The following ELOVL7 variants were observed in gnomAD, a reference collection of about 807,000 sequenced individuals.
ELOVL7 encodes the protein ELOVL fatty acid elongase 7, also known as very long chain fatty acid elongase 7.
A neutral mutation model predicts 35.7 loss-of-function variants in ELOVL7; 27 were observed. The observed-to-expected ratio is 0.76, with a 90% CI of 0.56 to 1.04. The LOEUF (loss-of-function observed/expected upper bound fraction) is 1.04, where lower values mean the gene tolerates loss of function less well. Among genes scored for constraint, ELOVL7 ranks in the 50% least tolerant of loss-of-function variants. The pLI, the probability that ELOVL7 is intolerant of heterozygous loss-of-function variation, is 0.00. For synonymous variants in ELOVL7, 113 were observed against 114.6 expected, an observed-to-expected ratio of 0.99 and a Z score of 0.09; for missense variants, 327 against 340.8, an observed-to-expected ratio of 0.96 and a Z score of 0.32.
Position 60,800,088 on chromosome 5 carries a change from G to GA in ELOVL7, c.-85-859dup, listed in dbSNP as rs1301849303. On this transcript the variant is annotated intron_variant, in intron 1 of 8. Transcript: ENST00000508821. ...AATAGTGATTCTTCTCAAACTCTTC[G>GA]AAAAAAAAATGAAGAGGAGGGAATA... 2.1e-3 allele frequency among the ~76,000 whole-genome samples: 275 copies of GA among 133,218 alleles called. No homozygotes were observed. The Middle Eastern group carries it at 0.027, about 13-fold the overall frequency. 87.4% of individuals were successfully genotyped at this position (133,218 alleles called of 152,430 possible). A position where few individuals can be genotyped will look rare whatever the true frequency, so the allele number is the denominator to read the frequency against.
chr5:60,837,308 G>A (rs1202443368), intron 1 of ELOVL7, among the ~76,000 whole-genome samples: 2 of 102,872 alleles, frequency 1.9e-5, no homozygotes, highest in Admixed American at 8.9e-5. Context: ...GTGGTAGGGC[G>A]GGGGGGTGGG....
At chr5:60,801,156 G>T (rs1031578844) in intron 1 of ELOVL7, among the ~76,000 whole-genome samples, 1 of 151,944 alleles carries the variant, frequency 6.6e-6, no homozygotes, top group Non-Finnish European at 1.5e-5. Flanking sequence ...TCAAACTCCT[G>T]AGCTCAGGTG....
At chr5:60,780,411 C>T (rs537837072) in intron 3 of ELOVL7, among the ~76,000 whole-genome samples, 3 of 152,172 alleles carry the variant, frequency 2.0e-5, no homozygotes, top group South Asian at 4.2e-4. Context: ...TGAGTCACGG[C>T]GCCCGGCCAA....
intron 2 of ELOVL7, among the ~76,000 whole-genome samples, chr5:60,797,630 C>G (rs1474590363): frequency 6.6e-6 from 1 of 152,216 alleles, no homozygotes; most frequent in East Asian, 1.9e-4. Context: ...GGTAGGATAA[C>G]AGGAGGCAAG....
chr5:60,793,989 A>G (rs1478696471), intron 2 of ELOVL7, among the ~76,000 whole-genome samples: 1 of 152,192 alleles, frequency 6.6e-6, no homozygotes, highest in Non-Finnish European at 1.5e-5. Context: ...TAAGGGTGGA[A>G]GAAACAAGAG....
At chr5:60,772,372 C>T (rs1057202452) in intron 3 of ELOVL7, among the ~76,000 whole-genome samples, 7 of 152,150 alleles carry the variant, frequency 4.6e-5, no homozygotes, top group African/African-American at 1.4e-4. Context: ...CTCCTGCCCT[C>T]TTTCCCCATG....
At chr5:60,798,434 C>A (rs1370637016) in intron 2 of ELOVL7, among the ~76,000 whole-genome samples, 1 of 152,110 alleles carries the variant, frequency 6.6e-6, no homozygotes, top group Non-Finnish European at 1.5e-5. Context: ...TACCTTGATA[C>A]TACAGAAGCT....
chr5:60,762,625 G>C (rs554091518), intron 7 of ELOVL7, among the ~76,000 whole-genome samples: 4 of 152,160 alleles, frequency 2.6e-5, no homozygotes, highest in African/African-American at 9.6e-5. Context: ...TTCACATTTA[G>C]TTTTCAGTGT....
intron 1 of ELOVL7, among the ~76,000 whole-genome samples, chr5:60,809,284 A>T (rs1051095423): frequency 5.3e-5 from 8 of 152,236 alleles, no homozygotes; most frequent in Admixed American, 3.9e-4. Context: ...AAACCTACTG[A>T]ATTTTGAAAC....
chr5:60,756,185 G>A (rs529137165), intron 8 of ELOVL7, among the ~76,000 whole-genome samples: 22 of 152,066 alleles, frequency 1.4e-4, no homozygotes, highest in African/African-American at 5.3e-4. Context: ...TTCTACATCA[G>A]TATTTTTTCA....
chr5:60,788,345 ATGG>A, intron 2 of ELOVL7, among the ~76,000 whole-genome samples: 1 of 152,328 alleles, frequency 6.6e-6, no homozygotes, highest in Non-Finnish European at 1.5e-5. Flanking sequence ...TCTAGAGATG[ATGG>A]TGGTGATGGC....
At chr5:60,818,697 G>C (rs1561465381) in intron 1 of ELOVL7, among the ~76,000 whole-genome samples, 2 of 151,982 alleles carry the variant, frequency 1.3e-5, no homozygotes, top group Non-Finnish European at 2.9e-5. Flanking sequence ...AAACCTATCA[G>C]TAGACAGCAT....
intron 1 of ELOVL7, among the ~76,000 whole-genome samples, chr5:60,802,894 C>T (rs778405773): frequency 1.3e-5 from 2 of 152,144 alleles, no homozygotes; most frequent in East Asian, 3.8e-4. Flanking sequence ...TGTGTTTTCT[C>T]ATAGTATAAG....
At position 60,752,181 on chromosome 5, in the gene ELOVL7, A is replaced by C. The variant is rs1427172298; in HGVS notation, c.*2443T>G. On this transcript the variant is annotated 3_prime_UTR_variant, in exon 9 of 9. Transcript: ENST00000508821. ...AGAACTCTTTTAATAAATATGGCCCATACAAATTCCATATCCAGTGAAAAT... is the reference window on the plus strand; with the variant it reads ...AGAACTCTTTTAATAAATATGGCCCCTACAAATTCCATATCCAGTGAAAAT... 1 of 152,220 alleles carries C rather than the reference A, an allele frequency of 6.6e-6. No individual in the cohort carries two copies. Among genetic ancestry groups the C allele is most frequent in the Non-Finnish European group, 1.5e-5 (1 of 68,024 alleles). 9.4% of individuals were successfully genotyped at this position (152,220 alleles called of 1,614,324 possible). A position where few individuals can be genotyped will look rare whatever the true frequency, so the allele number is the denominator to read the frequency against.
intron 1 of ELOVL7, among the ~76,000 whole-genome samples, chr5:60,804,109 G>A (rs996343643): frequency 6.6e-6 from 1 of 152,172 alleles, no homozygotes; most frequent in African/African-American, 2.4e-5. Context: ...ACATGTTAAC[G>A]TGACAACTTG....
At chr5:60,792,127 A>G (rs926657136) in intron 2 of ELOVL7, among the ~76,000 whole-genome samples, 3 of 152,202 alleles carry the variant, frequency 2.0e-5, no homozygotes, top group African/African-American at 7.2e-5. Context: ...AGGCAGGAGT[A>G]GATGTCATCA....
At chr5:60,807,460 C>G (rs571306744) in intron 1 of ELOVL7, among the ~76,000 whole-genome samples, 1 of 150,550 alleles carries the variant, frequency 6.6e-6, no homozygotes, top group African/African-American at 2.4e-5. Context: ...GGGAAAGAGA[C>G]AGCAAAGCAC....
chr5:60,763,499 C>T (rs1027926680), intron 7 of ELOVL7, among the ~76,000 whole-genome samples: 3 of 152,128 alleles, frequency 2.0e-5, no homozygotes, highest in Non-Finnish European at 4.4e-5. Context: ...ATTTAAGAAA[C>T]TGGAACAAAT....
rs1742303108 is a variant in ELOVL7 at position 60,767,312 on chromosome 5, T to C, written c.336+511A>G. Among the ~76,000 whole-genome samples the C allele has an allele frequency of 2.6e-5, 4 of 152,270 alleles. No individual in the cohort carries two copies. The South Asian group carries it at 8.3e-4, about 32-fold the overall frequency. The stretch of plus-strand genomic sequence containing the variant: ...TTTCACCGTGTTGCCCGGGCTGGTC[T>C]CAAACTCCTGAGCCCAGGCAATCCA... On this transcript the variant is annotated intron_variant, in intron 5 of 8. Coordinates refer to ENST00000508821, the MANE Select transcript of ELOVL7 (RefSeq NM_024930.3).
Sources: allele counts gnomAD v4.1 joint callset (sites outside exome capture counted in the v4.1 genomes callset), GRCh38; gene constraint gnomAD v4.1.1; transcripts MANE v1.5; gene names NCBI Gene and HGNC (gene_info 2026-07-23, HGNC 2026-07-21).